FARS2: variants seen among roughly 807,000 people sequenced by gnomAD.
FARS2 encodes phenylalanine--tRNA ligase, mitochondrial.
FARS2 carries 40 observed loss-of-function variants against 46.4 expected under a neutral mutation model. The ratio of observed to expected loss-of-function variants is 0.86; its 90% CI spans 0.67 to 1.12. The LOEUF (loss-of-function observed/expected upper bound fraction) is 1.12. Ranked by LOEUF, FARS2 falls within the 50% of genes most tolerant of loss-of-function variation. FARS2 has a pLI of 0.00. For missense variants in FARS2, 513 were observed against 567.9 expected (o/e 0.90, Z 0.98); for synonymous variants, 234 against 214.9 (o/e 1.09, Z -0.78).
chr6:5,759,207 C>T (rs187139539), intron 6 of FARS2, among the ~76,000 whole-genome samples: 4 of 152,176 alleles, frequency 2.6e-5, no homozygotes, highest in East Asian at 1.9e-4. Flanking sequence ...CTGCCCGCCA[C>T]CCGCTCTCAC....
chr6:5,744,750 C>G (rs1226821659), intron 6 of FARS2, among the ~76,000 whole-genome samples: 2 of 152,210 alleles, frequency 1.3e-5, no homozygotes, highest in Non-Finnish European at 2.9e-5. Flanking sequence ...TCAGGGCAGT[C>G]CCGTGATTGG....
At chr6:5,708,580 A>C (rs772497876) in intron 6 of FARS2, among the ~76,000 whole-genome samples, 3 of 152,214 alleles carry the variant, frequency 2.0e-5, no homozygotes, top group African/African-American at 7.2e-5. Flanking sequence ...CCTCTGGTCA[A>C]ACCACTCAAA....
intron 5 of FARS2, among the ~76,000 whole-genome samples, chr6:5,579,427 C>G (rs933769046): frequency 6.6e-6 from 1 of 152,032 alleles, no homozygotes; most frequent in Non-Finnish European, 1.5e-5. Context: ...GCGCCCACCA[C>G]CACACCCAGC....
At chr6:5,717,935 T>TGGAGAGAGAGAGAGAGAGAGAGAGAG (rs1759625051) in intron 6 of FARS2, among the ~76,000 whole-genome samples, 1 of 135,630 alleles carries the variant, frequency 7.4e-6, no homozygotes, top group Non-Finnish European at 1.5e-5. Flanking sequence ...TATATATATA[T>TGGAGAGAGAGAGAGAGAGAGAGAGAG]ACAGAGTCTC....
At chr6:5,725,958 T>C (rs1193923591) in intron 6 of FARS2, among the ~76,000 whole-genome samples, 1 of 152,052 alleles carries the variant, frequency 6.6e-6, no homozygotes, top group East Asian at 1.9e-4. Context: ...AAGGGTAAGC[T>C]GGTATTATAA....
intron 3 of FARS2, among the ~76,000 whole-genome samples, chr6:5,424,551 T>C (rs181202649): frequency 1.3e-5 from 2 of 152,308 alleles, no homozygotes; most frequent in East Asian, 3.9e-4. Context: ...GTACACACTA[T>C]GCTGCTTGTT....
At chr6:5,735,829 G>A (rs1284137066) in intron 6 of FARS2, among the ~76,000 whole-genome samples, 1 of 152,148 alleles carries the variant, frequency 6.6e-6, no homozygotes, top group Non-Finnish European at 1.5e-5. Context: ...CTGTGGCACC[G>A]TGCTTTGTGA....
rs955485048 is a variant in FARS2, at chr6:5,305,695, T to C, written c.-22+44035T>C. On this transcript the variant is annotated intron_variant, in intron 1 of 6. Coordinates refer to ENST00000274680, the MANE Select transcript of FARS2 (RefSeq NM_006567.5). ...TTGGGTCCTGATTCCTGGTCCAGTGTCCTTTCCTCTACACCTTGTTGGGAG... is the reference window on the plus strand; with the variant it reads ...TTGGGTCCTGATTCCTGGTCCAGTGCCCTTTCCTCTACACCTTGTTGGGAG... 2.6e-5 allele frequency among the ~76,000 whole-genome samples: 4 copies of C among 152,314 alleles called. 1 individual carries two copies. The South Asian group carries it at 6.2e-4, about 24-fold the overall frequency.
chr6:5,725,678 G>A (rs1376063564), intron 6 of FARS2, among the ~76,000 whole-genome samples: 2 of 152,254 alleles, frequency 1.3e-5, no homozygotes, highest in African/African-American at 4.8e-5. Flanking sequence ...GCTCACACCT[G>A]TAATCCCAGC....
chr6:5,485,583 G>A (rs1766726604), intron 4 of FARS2, among the ~76,000 whole-genome samples: 1 of 152,176 alleles, frequency 6.6e-6, no homozygotes, highest in Non-Finnish European at 1.5e-5. Context: ...GACTTTCTCT[G>A]TAAAGAGCCT....
intron 6 of FARS2, among the ~76,000 whole-genome samples, chr6:5,643,434 G>A (rs527938663): frequency 2.6e-5 from 4 of 152,304 alleles, no homozygotes; most frequent in South Asian, 2.1e-4. Flanking sequence ...GAGCCAAAAC[G>A]TGCAGGCTGT....
chr6:5,372,328 A>T (rs1372247657), intron 2 of FARS2, among the ~76,000 whole-genome samples: 1 of 152,174 alleles, frequency 6.6e-6, no homozygotes, highest in Non-Finnish European at 1.5e-5. Flanking sequence ...GTAGCCATAA[A>T]CATATATATA....
intron 5 of FARS2, among the ~76,000 whole-genome samples, chr6:5,562,907 G>A (rs893621578): frequency 1.4e-4 from 21 of 151,090 alleles, no homozygotes; most frequent in African/African-American, 4.9e-4. Context: ...AGATTGAAGC[G>A]ATTCTCCTGC....
At chr6:5,769,268 A>C (rs1178330295) in intron 6 of FARS2, among the ~76,000 whole-genome samples, 1 of 152,222 alleles carries the variant, frequency 6.6e-6, no homozygotes, top group Non-Finnish European at 1.5e-5. Context: ...GCTCTTGTCA[A>C]AAACCAAATA....
chr6:5,733,845 A>G lies in FARS2; in HGVS notation c.1218-37446A>G, dbSNP rs539931410. Among the ~76,000 whole-genome samples the G allele has an allele frequency of 3.3e-3, 510 of 152,268 alleles. 1 individual carries two copies. The highest frequency in any genetic ancestry group is 5.6e-3 in the Non-Finnish European group (380 of 68,026). On this transcript the variant is annotated intron_variant, in intron 6 of 6. Transcript: ENST00000274680. Reference sequence around the variant, plus strand: ...TCCCAGCCTAGTTCTTTGCTGTGTAACCCTGTGAAATCACTAGCCTCTCTG... The same window carrying G: ...TCCCAGCCTAGTTCTTTGCTGTGTAGCCCTGTGAAATCACTAGCCTCTCTG...
At chr6:5,283,766 CTGTATCAAA>C (rs146240942) in intron 1 of FARS2, among the ~76,000 whole-genome samples, 5,373 of 152,152 alleles carry the variant, frequency 0.035, 329 homozygotes, top group African/African-American at 0.12. Flanking sequence ...CACAGATACC[CTGTATCAAA>C]TGTATCAATA....
At position 5,449,248 on chromosome 6, in the gene FARS2, C is replaced by T. The variant is rs375726593; in HGVS notation, c.904+18076C>T. ...CCTGTAATACCAGCTACTCGGGAGG[C>T]TGAGGCAGGAGAATCGCTTGAACCT... is the stretch of plus-strand genomic sequence containing the variant. On this transcript the variant is annotated intron_variant, in intron 4 of 6. Transcript: ENST00000274680. Among the ~76,000 whole-genome samples the T allele has an allele frequency of 4.7e-5, 7 of 150,324 alleles. No individual in the cohort carries two copies. The South Asian group carries it at 1.5e-3, about 31-fold the overall frequency.
chr6:5,465,878 A>T (rs1561639847), intron 4 of FARS2, among the ~76,000 whole-genome samples: 1 of 151,884 alleles, frequency 6.6e-6, no homozygotes, highest in African/African-American at 2.4e-5. Context: ...GAAAAAAAGA[A>T]TTTTTTTTCA....
At chr6:5,533,455 A>G (rs148011019) in intron 4 of FARS2, among the ~76,000 whole-genome samples, 169 of 152,336 alleles carry the variant, frequency 1.1e-3, no homozygotes, top group African/African-American at 3.8e-3. Flanking sequence ...GAAAATCTTG[A>G]AACCTTTCCT....
Sources: gnomAD v4.1 joint callset for allele counts (sites outside exome capture counted in the v4.1 genomes callset) on GRCh38, gnomAD v4.1.1 for gene constraint, MANE v1.5 for transcripts, NCBI Gene and HGNC (gene_info 2026-07-23, HGNC 2026-07-21) for gene names.